The following AKNA variants were observed in gnomAD, a reference collection of about 807,000 sequenced individuals.
AKNA encodes the protein microtubule organization protein AKNA.
AKNA carries 67 observed loss-of-function variants against 138.8 expected under a neutral mutation model. The observed-to-expected ratio is 0.48, with a 90% CI of 0.40 to 0.59. The LOEUF is 0.59. Ranked by LOEUF, AKNA falls within the 20% of genes least tolerant of loss-of-function variation. The probability of loss-of-function intolerance (pLI) is 0.00; values close to 1 mark genes in which losing one functional copy is unlikely to be tolerated. For missense variants in AKNA, 1,813 were observed against 1,880.4 expected, an observed-to-expected ratio of 0.96 and a Z score of 0.66; for synonymous variants, 737 against 754.4, an observed-to-expected ratio of 0.98 and a Z score of 0.38.
intron 6 of AKNA, among the ~76,000 whole-genome samples, chr9:114,366,016 A>G (rs1287749256): frequency 1.3e-5 from 2 of 152,296 alleles, no homozygotes; most frequent in African/African-American, 4.8e-5. Context: ...AAGGAAACGA[A>G]GCCTGTAATC....
At chr9:114,365,888 A>G (rs1183627873) in intron 6 of AKNA, among the ~76,000 whole-genome samples, 2 of 152,236 alleles carry the variant, frequency 1.3e-5, no homozygotes, top group African/African-American at 2.4e-5. Flanking sequence ...ATGAGGGGTC[A>G]GCTAAGGCCC....
At position 114,350,656 on chromosome 9, in the gene AKNA, G is replaced by A. The variant is rs573884366; in HGVS notation, c.3221+203C>T. On this transcript the variant is annotated intron_variant, in intron 15 of 21. Coordinates refer to ENST00000374088, the MANE Select transcript of AKNA (RefSeq NM_001317950.2). ...TCTTTAGGTCATATTCCACTGGCTG[G>A]AGAAGTGTGTCCTCGATGTCTAGAT... Among the ~76,000 whole-genome samples, 3 of 152,276 alleles carry A rather than the reference G, an allele frequency of 2.0e-5. No individual in the cohort carries two copies. The South Asian group carries it at 6.2e-4, about 32-fold the overall frequency.
chr9:114,354,586 G>A (rs982858088), intron 14 of AKNA, among the ~76,000 whole-genome samples: 3 of 151,762 alleles, frequency 2.0e-5, no homozygotes. Context: ...GGTGGTGGGC[G>A]CCTGTAGTCC....
At chr9:114,365,619 T>C (rs1301138124) in intron 6 of AKNA, among the ~76,000 whole-genome samples, 1 of 152,104 alleles carries the variant, frequency 6.6e-6, no homozygotes, top group Non-Finnish European at 1.5e-5. Flanking sequence ...AGCTACACCA[T>C]CTATAATTTT....
intron 2 of AKNA, among the ~76,000 whole-genome samples, chr9:114,380,347 T>C (rs534149549): frequency 6.6e-6 from 1 of 152,310 alleles, no homozygotes; most frequent in African/African-American, 2.4e-5. Context: ...GGAATATCCA[T>C]GGAAGTCTAG....
chr9:114,350,009 A>G (rs1253994119), intron 15 of AKNA, among the ~76,000 whole-genome samples: 3 of 152,106 alleles, frequency 2.0e-5, no homozygotes, highest in African/African-American at 7.2e-5. Context: ...CCATCATGGT[A>G]TTTATCACAA....
intron 5 of AKNA, among the ~76,000 whole-genome samples, 163 bp from the exon 6 acceptor site, chr9:114,367,860 GT>G (rs1371749007): frequency 1.3e-5 from 2 of 152,214 alleles, no homozygotes; most frequent in Non-Finnish European, 2.9e-5. Context: ...GTAGAACATT[GT>G]CCCCCATTTA....
intron 21 of AKNA, among the ~76,000 whole-genome samples, chr9:114,339,070 A>G (rs1216232866): frequency 6.6e-6 from 1 of 152,244 alleles, no homozygotes. Flanking sequence ...TTATGCCCCT[A>G]TAAACCCGCT....
intron 15 of AKNA, among the ~76,000 whole-genome samples, chr9:114,348,164 T>A (rs377090171): frequency 6.6e-6 from 1 of 152,154 alleles, no homozygotes; most frequent in Non-Finnish European, 1.5e-5. Context: ...GGGGTCTGAG[T>A]GGCTGTTCAG....
At chr9:114,383,365 G>C (rs530413431) in intron 1 of AKNA, among the ~76,000 whole-genome samples, 1 of 152,300 alleles carries the variant, frequency 6.6e-6, no homozygotes, top group East Asian at 1.9e-4. Flanking sequence ...CTCTATGCCA[G>C]CACTGAGCCA....
intron 1 of AKNA, among the ~76,000 whole-genome samples, chr9:114,385,487 G>A (rs1457270589): frequency 1.3e-5 from 2 of 152,202 alleles, no homozygotes; most frequent in South Asian, 2.1e-4. Context: ...GGAAGGGGCC[G>A]GGGGAGGTGT....
downstream of AKNA, among the ~76,000 whole-genome samples, chr9:114,331,142 C>T (rs970477354): frequency 6.6e-6 from 1 of 152,118 alleles, no homozygotes; most frequent in Non-Finnish European, 1.5e-5. Flanking sequence ...ATCTGCCTCT[C>T]TCTCACGCCC....
chr9:114,371,044 A>G (rs774756258), intron 4 of AKNA, among the ~76,000 whole-genome samples: 112 of 152,210 alleles, frequency 7.4e-4, no homozygotes, highest in Non-Finnish European at 1.0e-3. Context: ...ACATGGCAGC[A>G]AATGCAGTGA....
chr9:114,380,305 G>C (rs1305067919), intron 2 of AKNA, among the ~76,000 whole-genome samples: 1 of 152,078 alleles, frequency 6.6e-6, no homozygotes. Context: ...CTACTAAAAC[G>C]CCCAGCAGTA....
At chr9:114,362,619 G>C in intron 7 of AKNA, 86 bp from the exon 8 acceptor site, 1 of 1,456,192 alleles carries the variant, frequency 6.9e-7, no homozygotes, top group East Asian at 2.6e-5. Context: ...GACAGCTTGC[G>C]GGAGGCCATG....
chr9:114,347,681 T>TAGCTGCCACCAGGAC (rs1368574670), intron 16 of AKNA, 43 bp downstream of exon 16: 1 of 1,474,130 alleles, frequency 6.8e-7, no homozygotes, highest in Admixed American at 2.7e-5. Context: ...CTATCTTCTG[T>TAGCTGCCACCAGGAC]AGCTGCCACC....
At chr9:114,370,299 A>G (rs1280384248) in intron 4 of AKNA, among the ~76,000 whole-genome samples, 3 of 152,076 alleles carry the variant, frequency 2.0e-5, no homozygotes, top group East Asian at 3.9e-4. Flanking sequence ...GGCCTTTCCT[A>G]TCAGCACCCC....
chr9:114,373,724 G>GA (rs34565416), intron 4 of AKNA, among the ~76,000 whole-genome samples: 26,744 of 143,434 alleles, frequency 0.19, 2,819 homozygotes, highest in Middle Eastern at 0.33. Context: ...ACAAAACATT[G>GA]AAAAAAAAAA....
intron 10 of AKNA, 34 bp from the exon 11 acceptor site, chr9:114,359,828 G>A (rs1473138739): frequency 1.2e-6 from 2 of 1,611,794 alleles, no homozygotes; most frequent in Admixed American, 1.7e-5. Context: ...CATGACCTCT[G>A]CCCAGTGGGG....
Sources: allele counts gnomAD v4.1 joint callset (sites outside exome capture counted in the v4.1 genomes callset), GRCh38; gene constraint gnomAD v4.1.1; transcripts MANE v1.5; gene names NCBI Gene and HGNC (gene_info 2026-07-23, HGNC 2026-07-21).